PPARGC1A: variants seen among roughly 807,000 people sequenced by gnomAD.
PPARGC1A encodes the protein PPARG coactivator 1 alpha, also known as peroxisome proliferator-activated receptor gamma coactivator 1-alpha.
Under a neutral mutation model 88.7 loss-of-function variants are expected in PPARGC1A, and 25 were observed. That is an observed-to-expected ratio of 0.28 (90% CI 0.21 to 0.39). The LOEUF (loss-of-function observed/expected upper bound fraction) is 0.39. Ranked by LOEUF, PPARGC1A falls within the 10% of genes least tolerant of loss-of-function variation. PPARGC1A has a pLI of 1.00. For synonymous variants in PPARGC1A, 363 were observed against 355.6 expected (o/e 1.02, Z -0.24); for missense variants, 880 against 968.7 (o/e 0.91, Z 1.22).
At chr4:24,130,073 C>A in the PPARGC1A span, among the ~76,000 whole-genome samples, 2 of 152,092 alleles carry the variant, frequency 1.3e-5, no homozygotes, top group African/African-American at 4.8e-5. Context: ...GGGTGTAACA[C>A]ACCAACATGG....
intron 2 of PPARGC1A, among the ~76,000 whole-genome samples, chr4:23,852,412 AT>A (rs2148669034): frequency 6.6e-6 from 1 of 151,876 alleles, no homozygotes; most frequent in South Asian, 2.1e-4. Context: ...CTCTCCTCAG[AT>A]TTCCACTGTC....
At chr4:24,242,367 C>T in the PPARGC1A span, among the ~76,000 whole-genome samples, 2 of 152,176 alleles carry the variant, frequency 1.3e-5, no homozygotes, top group Admixed American at 6.5e-5. Context: ...TGACAGATAA[C>T]TTGATGTGTT....
the PPARGC1A span, among the ~76,000 whole-genome samples, chr4:24,316,963 G>A: frequency 2.0e-5 from 3 of 151,786 alleles, no homozygotes; most frequent in Non-Finnish European, 4.4e-5. Context: ...GAGGGGAGAG[G>A]AAATTTACAT....
chr4:24,073,193 C>T, the PPARGC1A span, among the ~76,000 whole-genome samples: 1 of 152,060 alleles, frequency 6.6e-6, no homozygotes, highest in East Asian at 1.9e-4. Flanking sequence ...AGGCACTTGC[C>T]ACCACACCCA....
the PPARGC1A span, among the ~76,000 whole-genome samples, chr4:24,136,167 G>A: frequency 1.1e-4 from 16 of 152,194 alleles, no homozygotes; most frequent in African/African-American, 3.9e-4. Context: ...ATATGGAGAA[G>A]CTGTACAGGC....
chr4:24,443,824 G>A, the PPARGC1A span, among the ~76,000 whole-genome samples: 1 of 151,670 alleles, frequency 6.6e-6, no homozygotes, highest in Non-Finnish European at 1.5e-5. Flanking sequence ...AAAGTGCTGG[G>A]GTTACAGGCT....
the PPARGC1A span, among the ~76,000 whole-genome samples, chr4:24,332,186 C>A: frequency 6.6e-6 from 1 of 151,768 alleles, no homozygotes; most frequent in Admixed American, 6.6e-5. Context: ...TTGTGTTGCC[C>A]AGGCTGATCT....
chr4:24,147,419 C>T, the PPARGC1A span, among the ~76,000 whole-genome samples: 47 of 152,272 alleles, frequency 3.1e-4, no homozygotes, highest in Non-Finnish European at 2.2e-4. Flanking sequence ...AGCCTTTAAG[C>T]GCTTGAGAGG....
At chr4:23,956,930 A>C in the PPARGC1A span, among the ~76,000 whole-genome samples, 1 of 152,102 alleles carries the variant, frequency 6.6e-6, no homozygotes, top group Non-Finnish European at 1.5e-5. Context: ...CTAGCGCATG[A>C]GGTAGGTGCC....
intron 2 of PPARGC1A, among the ~76,000 whole-genome samples, chr4:23,852,789 C>T (rs765632464): frequency 2.6e-5 from 4 of 152,098 alleles, no homozygotes; most frequent in East Asian, 1.9e-4. Flanking sequence ...TTTATCTTTT[C>T]GTGAGCACAT....
At chr4:24,399,027 G>T in the PPARGC1A span, among the ~76,000 whole-genome samples, 25 of 152,182 alleles carry the variant, frequency 1.6e-4, no homozygotes, top group African/African-American at 5.3e-4. Flanking sequence ...GCCCTGCAAG[G>T]GTCCCAGCTG....
the PPARGC1A span, among the ~76,000 whole-genome samples, chr4:23,915,563 G>T: frequency 1.3e-5 from 2 of 152,132 alleles, no homozygotes; most frequent in East Asian, 3.9e-4. Flanking sequence ...CATCTATTCT[G>T]CTAAAATGTA....
the PPARGC1A span, among the ~76,000 whole-genome samples, chr4:24,045,206 T>C: frequency 6.6e-6 from 1 of 152,240 alleles, no homozygotes. Context: ...GTTTCTTCTC[T>C]ACTGTGGAAA....
the PPARGC1A span, among the ~76,000 whole-genome samples, chr4:24,196,281 T>A: frequency 6.6e-6 from 1 of 152,064 alleles, no homozygotes; most frequent in African/African-American, 2.4e-5. Context: ...CCCTTACCAC[T>A]CCCAGAGAAG....
the PPARGC1A span, among the ~76,000 whole-genome samples, chr4:24,444,038 GTTA>G: frequency 2.0e-5 from 3 of 152,138 alleles, no homozygotes; most frequent in Admixed American, 2.0e-4. Flanking sequence ...CGTTGTTGTT[GTTA>G]TTGTTGTTGT....
the PPARGC1A span, among the ~76,000 whole-genome samples, chr4:24,268,488 C>T: frequency 2.8e-4 from 43 of 152,268 alleles, no homozygotes; most frequent in South Asian, 4.6e-3. Context: ...ATCAGAAACT[C>T]CTAATAGATG....
At chr4:24,332,612 G>A in the PPARGC1A span, among the ~76,000 whole-genome samples, 1 of 152,002 alleles carries the variant, frequency 6.6e-6, no homozygotes, top group Non-Finnish European at 1.5e-5. Context: ...TTTTCATTTT[G>A]TGTATGTGAA....
At chr4:24,095,926 C>T in the PPARGC1A span, among the ~76,000 whole-genome samples, 1 of 152,162 alleles carries the variant, frequency 6.6e-6, no homozygotes, top group Non-Finnish European at 1.5e-5. Flanking sequence ...AAAGGCCTCA[C>T]CTCTTAGTAC....
At chr4:24,150,033 C>G in the PPARGC1A span, among the ~76,000 whole-genome samples, 1 of 152,096 alleles carries the variant, frequency 6.6e-6, no homozygotes, top group Admixed American at 6.6e-5. Flanking sequence ...AACTCGTAGA[C>G]AGTATGACAG....
Sources: allele counts gnomAD v4.1 joint callset (sites outside exome capture counted in the v4.1 genomes callset), GRCh38; gene constraint gnomAD v4.1.1; transcripts MANE v1.5; gene names NCBI Gene and HGNC (gene_info 2026-07-23, HGNC 2026-07-21).